Variants in PSD2 observed in about 807,000 individuals in gnomAD.
The protein encoded by PSD2 is PH and SEC7 domain-containing protein 2.
In PSD2, 38 loss-of-function variants were observed where a neutral mutation model predicts 69.8. The ratio of observed to expected loss-of-function variants is 0.54; its 90% CI spans 0.42 to 0.71. PSD2 has a LOEUF of 0.71. PSD2 is among the 30% of genes least tolerant of loss of function. PSD2 has a pLI of 0.00. For synonymous variants in PSD2, 412 were observed against 423.0 expected, an observed-to-expected ratio of 0.97 and a Z score of 0.32; for missense variants, 943 against 1,014.5, an observed-to-expected ratio of 0.93 and a Z score of 0.96.
In PSD2 at chr5:139,836,965, A is replaced by G. The variant is rs917303168; in HGVS notation, c.1558A>G (p.Thr520Ala). 4 of 1,613,726 alleles carry G rather than the reference A, an allele frequency of 2.5e-6. No individual in the cohort carries two copies. In the East Asian group the frequency reaches 8.9e-5, roughly 36 times the overall value. Reference sequence around the variant, plus strand: ...CACCACCTACAAGCACGGCGTCCTGACCCGGAAGACTCACGCTGACATGGA... The same window carrying G: ...CACCACCTACAAGCACGGCGTCCTGGCCCGGAAGACTCACGCTGACATGGA... ...SATTYKHGVL[T>A]RKTHADMDGK... is the part of the protein sequence containing the mutation. The change falls in exon 10 of 15, where the codon ACC becomes GCC. Residue 520 changes from threonine (T) to alanine (A), a missense_variant. Physicochemically the swap from Thr to Ala is moderately conservative, Grantham distance 58. Coordinates refer to ENST00000274710, the MANE Select transcript of PSD2 (RefSeq NM_032289.4).
chr5:139,817,688 G>A (rs144267818), intron 5 of PSD2, 127 bp downstream of exon 5: 5 of 778,708 alleles, frequency 6.4e-6, no homozygotes, highest in African/African-American at 1.7e-5. Context: ...GTGAGGCTGT[G>A]GGGAAGGGGC....
chr5:139,838,888 A>G (rs1760804767), intron 13 of PSD2, 116 bp downstream of exon 13: 1 of 1,134,308 alleles, frequency 8.8e-7, no homozygotes, highest in Non-Finnish European at 1.3e-6. Context: ...GGGCTGAAGG[A>G]CACCAGAGAA....
the PSD2 span, among the ~76,000 whole-genome samples, chr5:139,766,342 C>T: frequency 6.6e-6 from 1 of 152,198 alleles, no homozygotes; most frequent in African/African-American, 2.4e-5. Flanking sequence ...TGGACCTACC[C>T]TTCGATGACT....
Position 139,842,829 on chromosome 5 carries a change from T to C in PSD2, c.*355T>C, listed in dbSNP as rs1760910321. ...TTCTCATCAAGCTCCTCTCCTCATC[T>C]TTTTTGTGTGTGAGGGCAGGTCTTG... On this transcript the variant is annotated 3_prime_UTR_variant, in exon 15 of 15. Coordinates refer to ENST00000274710, the MANE Select transcript of PSD2 (RefSeq NM_032289.4). The C allele has an allele frequency of 4.9e-6, 1 of 202,072 alleles. No homozygotes were observed. Among genetic ancestry groups the C allele is most frequent in the Non-Finnish European group, 1.0e-5 (1 of 98,782 alleles). The allele number at this position is 202,072 out of a possible 1,614,324, so 12.5% of individuals were successfully genotyped here.
At chr5:139,771,620 C>G in the PSD2 span, among the ~76,000 whole-genome samples, 1 of 152,080 alleles carries the variant, frequency 6.6e-6, no homozygotes, top group East Asian at 1.9e-4. Context: ...CCTCGTGATC[C>G]GCCCACCTCG....
the PSD2 span, among the ~76,000 whole-genome samples, chr5:139,786,142 T>C: frequency 6.6e-6 from 1 of 152,194 alleles, no homozygotes; most frequent in South Asian, 2.1e-4. Context: ...CCCAGCTCTT[T>C]TGGAGGCTGA....
chr5:139,834,480 T>TA (rs1446612758), intron 8 of PSD2, among the ~76,000 whole-genome samples: 23 of 151,004 alleles, frequency 1.5e-4, no homozygotes, highest in Middle Eastern at 6.8e-3. Flanking sequence ...TTTTTTTTTT[T>TA]ATAGAGCTGG....
In PSD2 at chr5:139,842,705, C is replaced by T; in HGVS notation, c.*231C>T. 1 of 544,938 alleles carries T rather than the reference C, an allele frequency of 1.8e-6. No individual in the cohort carries two copies. Among genetic ancestry groups the T allele is most frequent in the Non-Finnish European group, 3.3e-6 (1 of 305,134 alleles). The allele number at this position is 544,938 out of a possible 1,614,324, so 33.8% of individuals were successfully genotyped here. On this transcript the variant is annotated 3_prime_UTR_variant, in exon 15 of 15. Transcript: ENST00000274710. Reference sequence around the variant, plus strand: ...CTCTCCCTGGCCCTTGTTTTCCTCTCCACCATGGAGCCTCATTTTGTAGGC... The same window carrying T: ...CTCTCCCTGGCCCTTGTTTTCCTCTTCACCATGGAGCCTCATTTTGTAGGC...
intron 8 of PSD2, 76 bp downstream of exon 8, chr5:139,833,867 G>T (rs4912884): frequency 8.9e-7 from 1 of 1,129,736 alleles, no homozygotes. Context: ...TGTGCCTCGT[G>T]AAATCCTGGC....
At chr5:139,789,012 T>C in the PSD2 span, among the ~76,000 whole-genome samples, 2 of 152,192 alleles carry the variant, frequency 1.3e-5, no homozygotes, top group African/African-American at 4.8e-5. Flanking sequence ...GGTCACGTTG[T>C]CCTCGTTTGC....
upstream of PSD2, among the ~76,000 whole-genome samples, chr5:139,793,285 A>G (rs1193807015): frequency 2.0e-5 from 3 of 152,198 alleles, no homozygotes; most frequent in Non-Finnish European, 2.9e-5. Flanking sequence ...GCCACAAGGA[A>G]CAGTAACAAT....
At position 139,830,608 on chromosome 5, in the gene PSD2, C is replaced by CTTT. The variant is rs1469905987; in HGVS notation, c.1270-3093_1270-3092insTTT. 3.9e-5 allele frequency among the ~76,000 whole-genome samples: 4 copies of CTTT among 101,976 alleles called. No homozygotes were observed. In the Admixed American group the frequency reaches 4.1e-4, roughly 11 times the overall value. 66.9% of individuals were successfully genotyped at this position (101,976 alleles called of 152,430 possible). ...TTTCTTTCTTTTTCTTTCTTTCTTTCTCTTTCTTTCTTTCTTTCTCTTTCT... is the reference window on the plus strand; with the variant it reads ...TTTCTTTCTTTTTCTTTCTTTCTTTCTTTTCTTTCTTTCTTTCTTTCTCTTTCT... On this transcript the variant is annotated intron_variant, in intron 7 of 14. Coordinates refer to ENST00000274710, the MANE Select transcript of PSD2 (RefSeq NM_032289.4).
the PSD2 span, among the ~76,000 whole-genome samples, chr5:139,765,174 C>G: frequency 6.6e-6 from 1 of 152,116 alleles, no homozygotes; most frequent in Non-Finnish European, 1.5e-5. Flanking sequence ...CACTCAGTGC[C>G]CCTTCTGCTC....
the PSD2 span, among the ~76,000 whole-genome samples, chr5:139,755,919 A>G: frequency 6.6e-6 from 1 of 151,984 alleles, no homozygotes; most frequent in Non-Finnish European, 1.5e-5. Context: ...ATACTTAAAA[A>G]AAGCACAATG....
rs200951111 is a variant in PSD2 at position 139,809,420 on chromosome 5, C to G, written c.-21C>G. ...AGAGGAGTCCCAGGAGCAGCCAGGA[C>G]AGGCGGAAGCAGTGGCTGCCATGGA... On this transcript the variant is annotated 5_prime_UTR_variant, in exon 2 of 15. Transcript: ENST00000274710. The G allele has an allele frequency of 6.9e-6, 11 of 1,605,282 alleles. No individual in the cohort carries two copies. The Admixed American group carries it at 1.2e-4, about 17-fold the overall frequency.
At chr5:139,804,613 G>T (rs933655304) in intron 1 of PSD2, among the ~76,000 whole-genome samples, 2 of 152,172 alleles carry the variant, frequency 1.3e-5, no homozygotes, top group Non-Finnish European at 2.9e-5. Flanking sequence ...AAACGTGAGG[G>T]TCCTGGTGCT....
In PSD2 at chr5:139,835,721, A is replaced by G. The variant is rs778373284; in HGVS notation, c.1360-2A>G. On this transcript the variant is annotated splice_acceptor_variant, in intron 8 of 14. Transcript: ENST00000274710. LOFTEE classifies it high-confidence loss of function. ...CCCCCCTCTCTCTTTTCCCTCTCCC[A>G]GACCCTTTACAACTCCATCAAGAAT... The G allele has an allele frequency of 1.2e-6, 2 of 1,614,038 alleles. No homozygotes were observed. The highest frequency in any genetic ancestry group is 1.7e-6 in the Non-Finnish European group (2 of 1,179,948).
intron 12 of PSD2, among the ~76,000 whole-genome samples, chr5:139,838,334 A>C (rs1249149341): frequency 6.6e-6 from 1 of 151,996 alleles, no homozygotes; most frequent in Non-Finnish European, 1.5e-5. Flanking sequence ...GATGATCCCC[A>C]GTCCACAGTC....
intron 9 of PSD2, among the ~76,000 whole-genome samples, chr5:139,836,439 G>A (rs573981933): frequency 7.2e-5 from 11 of 152,308 alleles, no homozygotes; most frequent in South Asian, 2.1e-4. Context: ...CCAGCATGTC[G>A]GTGGGGTTTG....
Sources: gnomAD v4.1 joint callset for allele counts (sites outside exome capture counted in the v4.1 genomes callset) on GRCh38, gnomAD v4.1.1 for gene constraint, MANE v1.5 for transcripts, NCBI Gene and HGNC (gene_info 2026-07-23, HGNC 2026-07-21) for gene names.